SH3BP4: variants seen among roughly 807,000 people sequenced by gnomAD.
SH3BP4 encodes the protein SH3 domain binding protein 4.
SH3BP4 carries 33 observed loss-of-function variants against 65.5 expected under a neutral mutation model. The observed-to-expected ratio is 0.50, with a 90% CI of 0.38 to 0.67. SH3BP4 has a LOEUF of 0.67. Ranked by LOEUF, SH3BP4 falls within the 30% of genes least tolerant of loss-of-function variation. The pLI, the probability that SH3BP4 is intolerant of heterozygous loss-of-function variation, is 0.00. For missense variants in SH3BP4, 1,134 were observed against 1,261.4 expected, an observed-to-expected ratio of 0.90 and a Z score of 1.53; for synonymous variants, 552 against 545.5, an observed-to-expected ratio of 1.01 and a Z score of -0.17.
chr2:234,989,733 C>T (rs1693691805), intron 1 of SH3BP4, among the ~76,000 whole-genome samples: 1 of 152,112 alleles, frequency 6.6e-6, no homozygotes, highest in South Asian at 2.1e-4. Flanking sequence ...ATTTTCACGT[C>T]GTGAAATATT....
At chr2:234,986,105 A>G (rs1312866610) in intron 1 of SH3BP4, among the ~76,000 whole-genome samples, 2 of 151,980 alleles carry the variant, frequency 1.3e-5, no homozygotes, top group African/African-American at 2.4e-5. Flanking sequence ...ACACAAACCT[A>G]TGAGCTCAGG....
Position 235,033,574 on chromosome 2 carries a change from C to T in SH3BP4, c.-132-1297C>T, listed in dbSNP as rs543391743. Reference sequence around the variant, plus strand: ...AGGACGCCTCCCTTGAGCCACTATCCGCCGGTCACTGGGAGCTGGGATTGC... The same window carrying T: ...AGGACGCCTCCCTTGAGCCACTATCTGCCGGTCACTGGGAGCTGGGATTGC... On this transcript the variant is annotated intron_variant, in intron 2 of 5. Coordinates refer to ENST00000392011, the MANE Select transcript of SH3BP4 (RefSeq NM_014521.3). The surrounding 1 kb of genome is among the most constrained non-coding windows in gnomAD (Gnocchi z 5.7). Among the ~76,000 whole-genome samples, 27 of 152,344 alleles carry T rather than the reference C, an allele frequency of 1.8e-4. No individual in the cohort carries two copies. Among genetic ancestry groups the T allele is most frequent in the African/African-American group, 4.8e-4 (20 of 41,584 alleles).
intron 1 of SH3BP4, among the ~76,000 whole-genome samples, chr2:234,961,345 C>T (rs1172784768): frequency 6.6e-6 from 1 of 152,182 alleles, no homozygotes; most frequent in African/African-American, 2.4e-5. Context: ...GATCTTGGCT[C>T]ACTGAAATCT....
intron 2 of SH3BP4, among the ~76,000 whole-genome samples, chr2:234,996,503 C>T (rs904187375): frequency 3.9e-5 from 6 of 152,158 alleles, no homozygotes; most frequent in Non-Finnish European, 8.8e-5. Flanking sequence ...GTTCTCTGGT[C>T]CCAGGGTCAG....
intron 1 of SH3BP4, among the ~76,000 whole-genome samples, chr2:234,970,921 G>A (rs181422074): frequency 7.2e-5 from 11 of 152,204 alleles, no homozygotes; most frequent in African/African-American, 2.2e-4. Flanking sequence ...TGTGGGGATG[G>A]CTGCAGCGTG....
At position 235,035,041 on chromosome 2, in the gene SH3BP4, C is replaced by T. The variant is rs1695331520; in HGVS notation, c.39C>T (p.Gly13=). ...AQRIRAANSN[G]LPRCKSEGTL... ...GGATCCGAGCGGCCAACTCCAATGG[C>T]CTCCCTCGCTGCAAGTCAGAGGGGA... The change falls in exon 3 of 6, where the codon GGC becomes GGT. Residue 13 remains glycine (G), a synonymous_variant. Transcript: ENST00000392011. The surrounding 1 kb of genome is among the most constrained non-coding windows in gnomAD (Gnocchi z 5.0). 6.2e-7 allele frequency: 1 copy of T among 1,614,162 alleles called. No homozygotes were observed. Among genetic ancestry groups the T allele is most frequent in the Non-Finnish European group, 8.5e-7 (1 of 1,180,034 alleles).
chr2:235,049,986 G>A (rs370936701), intron 4 of SH3BP4, among the ~76,000 whole-genome samples: 1 of 152,228 alleles, frequency 6.6e-6, no homozygotes, highest in East Asian at 1.9e-4. Flanking sequence ...GCATTTCTCG[G>A]TGTGAAACCC....
intron 2 of SH3BP4, among the ~76,000 whole-genome samples, chr2:235,020,309 A>G (rs1694814462): frequency 2.0e-5 from 3 of 152,206 alleles, no homozygotes; most frequent in African/African-American, 7.2e-5. Flanking sequence ...CAGCCTGGAC[A>G]GCATGGTGAA....
rs1317249410 is a variant in SH3BP4 at position 235,054,063 on chromosome 2, A to T, written c.*247A>T. The stretch of plus-strand genomic sequence containing the variant: ...TTGTTAAGTATAAATTTAAATTTAA[A>T]ATCACTTTTTTAACGAATGGGGGGA... On this transcript the variant is annotated 3_prime_UTR_variant, in exon 6 of 6. Coordinates refer to ENST00000392011, the MANE Select transcript of SH3BP4 (RefSeq NM_014521.3). The T allele has an allele frequency of 6.7e-6, 3 of 446,714 alleles. No individual in the cohort carries two copies. The highest frequency in any genetic ancestry group is 5.8e-5 in the African/African-American group (3 of 51,888). 27.7% of individuals were successfully genotyped at this position (446,714 alleles called of 1,614,324 possible).
chr2:235,026,453 G>A lies in SH3BP4; in HGVS notation c.-132-8418G>A, dbSNP rs1014311213. 6.6e-6 allele frequency among the ~76,000 whole-genome samples: 1 copy of A among 152,094 alleles called. No homozygotes were observed. Among genetic ancestry groups the A allele is most frequent in the African/African-American group, 2.4e-5 (1 of 41,388 alleles). On this transcript the variant is annotated intron_variant, in intron 2 of 5. Transcript: ENST00000392011. This position sits in a 1 kb window ranked among gnomAD's most constrained non-coding sequence, Gnocchi z 4.6. ...CTTGAATGTGTGCAAGTTATAACCCGGTGTCTGGCACAGAGAACCTTAGCG... is the reference window on the plus strand; with the variant it reads ...CTTGAATGTGTGCAAGTTATAACCCAGTGTCTGGCACAGAGAACCTTAGCG...
chr2:235,042,165 G>C lies in SH3BP4; in HGVS notation c.1396G>C (p.Val466Leu). The C allele has an allele frequency of 6.2e-7, 1 of 1,614,030 alleles. No individual in the cohort carries two copies. The highest frequency in any genetic ancestry group is 8.5e-7 in the Non-Finnish European group (1 of 1,180,018). ...HGPSILYPST[V>L]WDFINKKVTV... ...CCCAAGCATCCTCTACCCTTCCACCGTGTGGGACTTCATCAATAAAAAAGT... is the reference window on the plus strand; with the variant it reads ...CCCAAGCATCCTCTACCCTTCCACCCTGTGGGACTTCATCAATAAAAAAGT... The change falls in exon 4 of 6, where the codon GTG becomes CTG. Residue 466 changes from valine (V) to leucine (L), a missense_variant. Val to Leu is a conservative substitution (Grantham distance 32). Transcript: ENST00000392011. The surrounding 1 kb of genome is among the most constrained non-coding windows in gnomAD (Gnocchi z 7.3).
intron 3 of SH3BP4, among the ~76,000 whole-genome samples, chr2:235,038,303 A>AT (rs1217526174): frequency 8.6e-5 from 1 of 11,612 alleles, no homozygotes; most frequent in African/African-American, 9.6e-4. Flanking sequence ...TATATATTAT[A>AT]TATATATATT....
At chr2:234,990,914 C>T (rs774735863) in intron 1 of SH3BP4, among the ~76,000 whole-genome samples, 2 of 152,080 alleles carry the variant, frequency 1.3e-5, no homozygotes, top group Non-Finnish European at 2.9e-5. Context: ...AGAAGCCTCA[C>T]CCCCCATCTT....
chr2:235,048,437 C>T (rs908025440), intron 4 of SH3BP4, among the ~76,000 whole-genome samples: 55 of 152,178 alleles, frequency 3.6e-4, no homozygotes, highest in African/African-American at 1.3e-3. Flanking sequence ...CTCAAGCAGT[C>T]CTCCCACCTC....
Position 235,041,014 on chromosome 2 carries a change from T to A in SH3BP4, c.245T>A (p.Leu82His). The change falls in exon 4 of 6, where the codon CTC becomes CAC. Residue 82 changes from leucine (L) to histidine (H), a missense_variant. Coordinates refer to ENST00000392011, the MANE Select transcript of SH3BP4 (RefSeq NM_014521.3). This position sits in a 1 kb window ranked among gnomAD's most constrained non-coding sequence, Gnocchi z 6.0. ...TTLKFSKGDHLYVLDTSGGEW... is the reference protein window; with the variant it reads ...TTLKFSKGDHHYVLDTSGGEW... The stretch of plus-strand genomic sequence containing the variant: ...CTGAAGTTCTCCAAGGGCGACCATC[T>A]CTACGTCTTGGACACATCTGGCGGT... 1 of 1,614,156 alleles carries A rather than the reference T, an allele frequency of 6.2e-7. No homozygotes were observed. Among genetic ancestry groups the A allele is most frequent in the Non-Finnish European group, 8.5e-7 (1 of 1,180,028 alleles).
Position 234,965,149 on chromosome 2 carries a change from T to C in SH3BP4, c.-207+12979T>C, listed in dbSNP as rs186934323. Among the ~76,000 whole-genome samples the C allele has an allele frequency of 9.2e-5, 14 of 152,324 alleles. 1 individual carries two copies. The highest frequency in any genetic ancestry group is 2.4e-4 in the African/African-American group (10 of 41,572). On this transcript the variant is annotated intron_variant, in intron 1 of 5. Coordinates refer to ENST00000392011, the MANE Select transcript of SH3BP4 (RefSeq NM_014521.3). Reference sequence around the variant, plus strand: ...AGAAACTAAGCTGACGGTTGAATCATTGAAGGAGTCACAGCATTCTTTCAT... The same window carrying C: ...AGAAACTAAGCTGACGGTTGAATCACTGAAGGAGTCACAGCATTCTTTCAT...
rs1166810303 is a variant in SH3BP4, at chr2:235,045,301, C to G, written c.2478+2054C>G. The stretch of plus-strand genomic sequence containing the variant: ...TTGCACCAGAGGTGGAAAAATGACA[C>G]AACCAGGAGTACCACACCAGCTGTG... On this transcript the variant is annotated intron_variant, in intron 4 of 5. Transcript: ENST00000392011. This position sits in a 1 kb window ranked among gnomAD's most constrained non-coding sequence, Gnocchi z 4.3. Among the ~76,000 whole-genome samples the G allele has an allele frequency of 6.6e-6, 1 of 152,210 alleles. No individual in the cohort carries two copies. The highest frequency in any genetic ancestry group is 1.5e-5 in the Non-Finnish European group (1 of 68,042).
Position 234,977,707 on chromosome 2 carries a change from C to CA in SH3BP4, c.-206-17595dup, listed in dbSNP as rs1212107475. The stretch of plus-strand genomic sequence containing the variant: ...ATGAATATTCACAGCCACACCGAGG[C>CA]ACCTGCTCCGTAGATGATTTTTTTT... On this transcript the variant is annotated intron_variant, in intron 1 of 5. Transcript: ENST00000392011. This position sits in a 1 kb window ranked among gnomAD's most constrained non-coding sequence, Gnocchi z 5.1. Among the ~76,000 whole-genome samples the CA allele has an allele frequency of 2.6e-5, 4 of 152,140 alleles. No homozygotes were observed. Among genetic ancestry groups the CA allele is most frequent in the South Asian group, 4.1e-4 (2 of 4,824 alleles).
At position 234,985,632 on chromosome 2, in the gene SH3BP4, C is replaced by T. The variant is rs111787764; in HGVS notation, c.-206-9671C>T. ...ACCCTCTGCGCACAGATATTTTTGA[C>T]CCTCTGCGCACAGGTGTTTTGACTG... On this transcript the variant is annotated intron_variant, in intron 1 of 5. Transcript: ENST00000392011. 5.1e-3 allele frequency among the ~76,000 whole-genome samples: 773 copies of T among 152,264 alleles called. 10 individuals are homozygous for T. Among genetic ancestry groups the T allele is most frequent in the African/African-American group, 0.017 (725 of 41,570 alleles).
Sources: gnomAD v4.1 joint callset for allele counts (sites outside exome capture counted in the v4.1 genomes callset) on GRCh38, gnomAD v4.1.1 for gene constraint, Gnocchi (gnomAD v3.1) non-coding constraint, MANE v1.5 for transcripts, NCBI Gene and HGNC (gene_info 2026-07-23, HGNC 2026-07-21) for gene names.